NOS1AP: variants seen among roughly 807,000 people sequenced by gnomAD.
NOS1AP encodes the protein carboxyl-terminal PDZ ligand of neuronal nitric oxide synthase protein.
Under a neutral mutation model 56.2 loss-of-function variants are expected in NOS1AP, and 21 were observed. That is an observed-to-expected ratio of 0.37 (90% CI 0.26 to 0.54). NOS1AP has a LOEUF of 0.54. Among genes scored for constraint, NOS1AP ranks in the 20% least tolerant of loss-of-function variants. The probability of loss-of-function intolerance (pLI) is 0.84; values close to 1 mark genes in which losing one functional copy is unlikely to be tolerated. For synonymous variants in NOS1AP, 270 were observed against 274.6 expected (o/e 0.98, Z 0.17); for missense variants, 522 against 657.8 (o/e 0.79, Z 2.26).
chr1:162,088,637 G>A lies in NOS1AP; in HGVS notation c.105+18355G>A, dbSNP rs114330331. 4.7e-3 allele frequency among the ~76,000 whole-genome samples: 714 copies of A among 152,258 alleles called. 13 individuals are homozygous for A. The highest frequency in any genetic ancestry group is 0.016 in the African/African-American group (676 of 41,546). On this transcript the variant is annotated intron_variant, in intron 1 of 9. Transcript: ENST00000361897. ...CAGGTAGGAGGGTGGTGGTGAGGAG[G>A]GGGACAGATCTCCATCAGAAGGGTA...
At chr1:162,230,506 A>G (rs1571145785) in intron 2 of NOS1AP, among the ~76,000 whole-genome samples, 1 of 152,226 alleles carries the variant, frequency 6.6e-6, no homozygotes, top group Non-Finnish European at 1.5e-5. Context: ...GGTGATACTA[A>G]TTTTTAAATT....
Position 162,162,028 on chromosome 1 carries a change from G to A in NOS1AP, c.177+7552G>A, listed in dbSNP as rs373486218. On this transcript the variant is annotated intron_variant, in intron 2 of 9. Coordinates refer to ENST00000361897, the MANE Select transcript of NOS1AP (RefSeq NM_014697.3). ...TAGGAATGTATGTTCAAGTGTCTGA[G>A]AGTTCTCCATAAGAATTTTAAGATT... Among the ~76,000 whole-genome samples, 7 of 152,298 alleles carry A rather than the reference G, an allele frequency of 4.6e-5. No individual in the cohort carries two copies. In the South Asian group the frequency reaches 1.5e-3, roughly 32 times the overall value.
intron 1 of NOS1AP, among the ~76,000 whole-genome samples, chr1:162,102,054 C>A (rs1159414017): frequency 6.6e-6 from 1 of 152,116 alleles, no homozygotes; most frequent in Non-Finnish European, 1.5e-5. Context: ...TAGCTTTTGC[C>A]ATTCAATATG....
At chr1:162,256,841 T>G (rs1654044980) in intron 2 of NOS1AP, among the ~76,000 whole-genome samples, 1 of 152,214 alleles carries the variant, frequency 6.6e-6, no homozygotes, top group Non-Finnish European at 1.5e-5. Context: ...CTGGTCATCT[T>G]GAACCAGATC....
At chr1:162,206,371 A>G (rs1652164918) in intron 2 of NOS1AP, among the ~76,000 whole-genome samples, 1 of 152,110 alleles carries the variant, frequency 6.6e-6, no homozygotes. Flanking sequence ...CTAGTTCAGG[A>G]GTTGGCAAGC....
intron 2 of NOS1AP, among the ~76,000 whole-genome samples, chr1:162,236,868 C>A (rs1653309423): frequency 6.6e-6 from 1 of 152,222 alleles, no homozygotes; most frequent in African/African-American, 2.4e-5. Context: ...CTTCACCCTC[C>A]TTCTTAGGCA....
intron 3 of NOS1AP, among the ~76,000 whole-genome samples, chr1:162,288,682 A>G (rs1344015860): frequency 6.6e-6 from 1 of 152,184 alleles, no homozygotes; most frequent in Non-Finnish European, 1.5e-5. Flanking sequence ...TTGTTCTTTC[A>G]TGCTCCCTCA....
intron 2 of NOS1AP, among the ~76,000 whole-genome samples, chr1:162,205,820 T>C (rs1359397394): frequency 6.6e-6 from 1 of 152,174 alleles, no homozygotes; most frequent in African/African-American, 2.4e-5. Context: ...AGGATGGGGC[T>C]TTTGGGGTTT....
intron 2 of NOS1AP, among the ~76,000 whole-genome samples, chr1:162,270,218 T>G (rs942377261): frequency 2.6e-5 from 4 of 152,194 alleles, no homozygotes; most frequent in African/African-American, 9.7e-5. Context: ...GTGGCCTCCT[T>G]AATGATTTCC....
rs563389307 is a variant in NOS1AP, at chr1:162,331,173, A to G, written c.345-1844A>G. On this transcript the variant is annotated intron_variant, in intron 4 of 9. Transcript: ENST00000361897. The stretch of plus-strand genomic sequence containing the variant: ...TAGGAAGACAGTTTGACATCATTAG[A>G]AGGATAGGGGACTGGAAACCACACT... 7.2e-5 allele frequency among the ~76,000 whole-genome samples: 11 copies of G among 152,258 alleles called. No homozygotes were observed. The South Asian group carries it at 2.3e-3, about 32-fold the overall frequency.
rs562195899 is a variant in NOS1AP, at chr1:162,185,730, A to C, written c.177+31254A>C. ...TCTAAAGTTGCATTTTTACATATGT[A>C]CTTACAATATTAAAGCCAAATATAA... On this transcript the variant is annotated intron_variant, in intron 2 of 9. Coordinates refer to ENST00000361897, the MANE Select transcript of NOS1AP (RefSeq NM_014697.3). Among the ~76,000 whole-genome samples the C allele has an allele frequency of 7.5e-4, 114 of 152,352 alleles. 1 individual carries two copies. The highest frequency in any genetic ancestry group is 2.7e-3 in the African/African-American group (111 of 41,576).
At chr1:162,224,346 A>G (rs1252358691) in intron 2 of NOS1AP, among the ~76,000 whole-genome samples, 1 of 152,178 alleles carries the variant, frequency 6.6e-6, no homozygotes, top group Non-Finnish European at 1.5e-5. Flanking sequence ...CCTGCTTCTG[A>G]CATTCATAAT....
At chr1:162,192,169 G>C (rs1200729383) in intron 2 of NOS1AP, among the ~76,000 whole-genome samples, 1 of 152,142 alleles carries the variant, frequency 6.6e-6, no homozygotes, top group Non-Finnish European at 1.5e-5. Flanking sequence ...GAAACTCTGG[G>C]GGTGGGGCCC....
At chr1:162,297,424 A>T (rs906960572) in intron 3 of NOS1AP, among the ~76,000 whole-genome samples, 17 of 152,160 alleles carry the variant, frequency 1.1e-4, no homozygotes, top group African/African-American at 3.9e-4. Flanking sequence ...CTGGCCTGAG[A>T]CAGTGGTTAA....
intron 2 of NOS1AP, among the ~76,000 whole-genome samples, chr1:162,160,625 G>T (rs1650162713): frequency 6.6e-6 from 1 of 152,066 alleles, no homozygotes; most frequent in African/African-American, 2.4e-5. Flanking sequence ...CTTTGTCCAG[G>T]AGTCACTTTA....
intron 6 of NOS1AP, among the ~76,000 whole-genome samples, chr1:162,352,220 C>T (rs1054693744): frequency 6.6e-6 from 1 of 152,090 alleles, no homozygotes; most frequent in Admixed American, 6.5e-5. Flanking sequence ...CCACCATGCC[C>T]AGCTAATTTT....
chr1:162,237,278 G>A (rs536566418), intron 2 of NOS1AP, among the ~76,000 whole-genome samples: 1 of 152,356 alleles, frequency 6.6e-6, no homozygotes, highest in East Asian at 1.9e-4. Flanking sequence ...GTCTTTTAAT[G>A]TTGACTTCAA....
chr1:162,141,531 C>T (rs1292683947), intron 1 of NOS1AP, among the ~76,000 whole-genome samples: 1 of 152,158 alleles, frequency 6.6e-6, no homozygotes, highest in African/African-American at 2.4e-5. Flanking sequence ...GTGCTGATGT[C>T]TCTCTTCCCT....
intron 2 of NOS1AP, among the ~76,000 whole-genome samples, chr1:162,208,141 C>T (rs187766557): frequency 6.6e-6 from 1 of 152,236 alleles, no homozygotes; most frequent in East Asian, 1.9e-4. Context: ...TGGAGCCCCT[C>T]AGCTCAGCCC....
Sources: gnomAD v4.1 joint callset for allele counts (sites outside exome capture counted in the v4.1 genomes callset) on GRCh38, gnomAD v4.1.1 for gene constraint, MANE v1.5 for transcripts, NCBI Gene and HGNC (gene_info 2026-07-23, HGNC 2026-07-21) for gene names.